The following PRAMEF5 variants were observed in gnomAD, a reference collection of about 807,000 sequenced individuals.
The protein encoded by PRAMEF5 is PRAME family member 23.
PRAMEF5 carries 5 observed loss-of-function variants against 16.4 expected under a neutral mutation model. The ratio of observed to expected loss-of-function variants is 0.30; its 90% CI spans 0.16 to 0.64. The LOEUF is 0.64. Among genes scored for constraint, PRAMEF5 ranks in the 30% least tolerant of loss-of-function variants. PRAMEF5 has a pLI of 0.80. For missense variants in PRAMEF5, 36 were observed against 282.9 expected (o/e 0.13, Z 6.26); for synonymous variants, 19 against 107.3 (o/e 0.18, Z 5.09).
At chr1:13,260,222 G>C (rs1553173602) in exon 3 of PRAMEF5, 1 of 1,581,984 alleles carries the variant, frequency 6.3e-7, no homozygotes, top group Non-Finnish European at 8.6e-7. Context: ...TTTCCCACAG[G>C]AGGTGGAAAC....
intron 2 of PRAMEF5, chr1:13,259,974 G>C: frequency 1.9e-6 from 1 of 523,318 alleles, no homozygotes; most frequent in Non-Finnish European, 3.4e-6. Context: ...ATTTGAACCC[G>C]GGAAGCAGAG....
chr1:13,258,755 A>G (rs1639350054), intron 1 of PRAMEF5: 1 of 89,216 alleles, frequency 1.1e-5, no homozygotes, highest in Non-Finnish European at 2.7e-5. Flanking sequence ...GAGAGAGGGA[A>G]AGAAGGAAAG....
At chr1:13,261,998 T>G (rs1639397470) in intron 3 of PRAMEF5, 1 of 112,836 alleles carries the variant, frequency 8.9e-6, no homozygotes, top group Non-Finnish European at 1.9e-5. Flanking sequence ...CTTTAGGGAT[T>G]CTGTGAACTT....
downstream of PRAMEF5, chr1:13,263,402 G>A (rs1639426986): frequency 5.3e-6 from 3 of 571,012 alleles, no homozygotes; most frequent in Admixed American, 3.2e-5. Flanking sequence ...ATGCATGGTT[G>A]TAAAGAAACA....
exon 4 of PRAMEF5, chr1:13,263,265 C>T (rs75866622): frequency 0.14 from 186,059 of 1,299,532 alleles, 9,234 homozygotes; most frequent in Middle Eastern, 0.18. Flanking sequence ...CAAGCAGGGG[C>T]AGGACTTGGG....
In PRAMEF5 at chr1:13,260,156, AG is replaced by A; in HGVS notation, c.288-64del. The A allele has an allele frequency of 5.2e-6, 8 of 1,552,682 alleles. No homozygotes were observed. The South Asian group carries it at 9.1e-5, about 18-fold the overall frequency. ...GCAGGGAGGGGAGGAGCTGCTCTCCAGGATGTGGAGTTTAAGTTCAGAAATG... is the reference window on the plus strand; with the variant it reads ...GCAGGGAGGGGAGGAGCTGCTCTCCAGATGTGGAGTTTAAGTTCAGAAATG... On this transcript the variant is annotated intron_variant, in intron 2 of 3. Coordinates refer to ENST00000622421, the Ensembl canonical transcript of PRAMEF5.
chr1:13,260,105 A>G (rs1379380328), intron 2 of PRAMEF5, 117 bp from the exon 3 acceptor site: 9 of 1,523,890 alleles, frequency 5.9e-6, no homozygotes, highest in East Asian at 2.3e-5. Flanking sequence ...AACAGGGTGA[A>G]GAAAAGTCAG....
intron 2 of PRAMEF5, 47 bp from the exon 3 acceptor site, chr1:13,260,175 C>A: frequency 6.4e-7 from 1 of 1,560,322 alleles, no homozygotes; most frequent in Non-Finnish European, 8.8e-7. Context: ...AGTTTAAGTT[C>A]AGAAATGAGT....
At chr1:13,254,378 C>CT (rs1276829692) in intron 1 of PRAMEF5, 103 bp downstream of exon 1, 1 of 1,068 alleles carries the variant, frequency 9.4e-4, no homozygotes, top group South Asian at 0.018. Flanking sequence ...ATATCCTGTC[C>CT]TTTTTTTTTT....
exon 4 of PRAMEF5, chr1:13,263,303 CT>C (rs1391082658): frequency 3.2e-6 from 2 of 627,446 alleles, no homozygotes; most frequent in Non-Finnish European, 2.8e-6. Context: ...TTCGATGGGA[CT>C]TTGGGGACCT....
chr1:13,260,066 A>T (rs1639370785), intron 2 of PRAMEF5, 156 bp from the exon 3 acceptor site: 4 of 1,193,682 alleles, frequency 3.4e-6, no homozygotes, highest in Non-Finnish European at 4.7e-6. Context: ...AAACAAAAAA[A>T]TGTGGAAGTG....
At position 13,262,360 on chromosome 1, in the gene PRAMEF5, C is replaced by T. The variant is rs1553173202; in HGVS notation, c.870-190C>T. ...TACAGGTGTGAGTTACTGGGCCGGGCCTAAAGTGGAATTGACCTCGGTGGC... is the reference window on the plus strand; with the variant it reads ...TACAGGTGTGAGTTACTGGGCCGGGTCTAAAGTGGAATTGACCTCGGTGGC... On this transcript the variant is annotated intron_variant, in intron 3 of 3. Transcript: ENST00000622421. 965 of 288,236 alleles carry T rather than the reference C, an allele frequency of 3.3e-3. 37 individuals carry two copies. Among genetic ancestry groups the T allele is most frequent in the Admixed American group, 8.7e-3 (157 of 18,048 alleles). 17.9% of individuals were successfully genotyped at this position (288,236 alleles called of 1,614,324 possible). A position where few individuals can be genotyped will look rare whatever the true frequency, so the allele number is the denominator to read the frequency against.
chr1:13,263,425 G>A, downstream of PRAMEF5: 1 of 505,800 alleles, frequency 2.0e-6, no homozygotes, highest in Non-Finnish European at 3.5e-6. Flanking sequence ...CAGAAATAAA[G>A]GAAAACTGAG....
chr1:13,263,113 T>A, exon 4 of PRAMEF5: 2 of 1,070,274 alleles, frequency 1.9e-6, no homozygotes, highest in South Asian at 2.7e-5. Flanking sequence ...TGCTGTTGAA[T>A]GCCTGCCTAT....
At chr1:13,256,535 TC>T (rs1639331707) in intron 1 of PRAMEF5, 1 of 73,088 alleles carries the variant, frequency 1.4e-5, no homozygotes, top group Non-Finnish European at 3.5e-5. Flanking sequence ...CTATATCCTG[TC>T]CTTTTTTTTT....
At chr1:13,258,616 GGGAGAGAGAGAA>G (rs1429706257) in intron 1 of PRAMEF5, 6 of 163,126 alleles carry the variant, frequency 3.7e-5, no homozygotes, top group African/African-American at 1.2e-4. Context: ...GAGTGAGAGA[GGGAGAGAGAGAA>G]AGAGAGAGAG....
intron 2 of PRAMEF5, 190 bp from the exon 3 acceptor site, chr1:13,260,030 CAG>C (rs1639369515): frequency 1.2e-6 from 1 of 830,516 alleles, no homozygotes; most frequent in African/African-American, 1.6e-5. Context: ...GCCTGGGCGA[CAG>C]AGGGAGACGT....
At position 13,263,295 on chromosome 1, in the gene PRAMEF5, C is replaced by G. The variant is rs1194743088; in HGVS notation, c.*184C>G. On this transcript the variant is annotated 3_prime_UTR_variant, in exon 4 of 4. Transcript: ENST00000622421. ...CTTGGGGGAAGTGTTGCCATGGATT[C>G]GATGGGACTTTGGGGACCTGTGTCC... The G allele has an allele frequency of 2.1e-5, 16 of 746,086 alleles. 1 individual carries two copies. The Admixed American group carries it at 3.1e-4, about 15-fold the overall frequency. 46.2% of individuals were successfully genotyped at this position (746,086 alleles called of 1,614,324 possible).
intron 2 of PRAMEF5, 100 bp from the exon 3 acceptor site, chr1:13,260,122 G>T: frequency 4.5e-6 from 7 of 1,547,114 alleles, no homozygotes; most frequent in South Asian, 3.4e-5. Flanking sequence ...TCAGAGAGAG[G>T]GACAAGAAGC....
Sources: allele counts gnomAD v4.1 joint callset, GRCh38; gene constraint gnomAD v4.1.1; transcripts MANE v1.5; gene names NCBI Gene and HGNC (gene_info 2026-07-23, HGNC 2026-07-21).